GPRC5C: variants seen among roughly 807,000 people sequenced by gnomAD.
GPRC5C encodes the protein G protein-coupled receptor class C group 5 member C.
GPRC5C carries 22 observed loss-of-function variants against 31.4 expected under a neutral mutation model. The observed-to-expected ratio is 0.70, with a 90% CI of 0.50 to 1.00. GPRC5C has a LOEUF of 1.00. Ranked by LOEUF, GPRC5C falls within the 50% of genes least tolerant of loss-of-function variation. The probability of loss-of-function intolerance (pLI) is 0.00; values close to 1 mark genes in which losing one functional copy is unlikely to be tolerated. For missense variants in GPRC5C, 557 were observed against 597.2 expected (o/e 0.93, Z 0.70); for synonymous variants, 249 against 257.5 (o/e 0.97, Z 0.32).
Position 74,440,708 on chromosome 17 carries a change from G to A in GPRC5C, c.932G>A (p.Ser311Asn). 1 of 1,606,090 alleles carries A rather than the reference G, an allele frequency of 6.2e-7. No individual in the cohort carries two copies. The highest frequency in any genetic ancestry group is 1.3e-5 in the African/African-American group (1 of 74,940). ...GTGACCAAGTCCAGCCCAGAGCAAA[G>A]CTACCAGGGGGACATGTACCCCACC... ...SQVTKSSPEQ[S>N]YQGDMYPTRG... Residue 311 changes from serine (S) to asparagine (N), a missense_variant, in exon 2 of 4, where the codon AGC becomes AAC. Coordinates refer to ENST00000392627, the MANE Select transcript of GPRC5C (RefSeq NM_022036.4). The surrounding 1 kb of genome is among the most constrained non-coding windows in gnomAD (Gnocchi z 4.4).
intron 1 of GPRC5C, among the ~76,000 whole-genome samples, chr17:74,434,484 G>A (rs1357861027): frequency 6.6e-6 from 1 of 152,176 alleles, no homozygotes; most frequent in Admixed American, 6.5e-5. Context: ...ACACGGACAT[G>A]ATTTGAACGT....
chr17:74,443,958 A>T, intron 3 of GPRC5C, 46 bp downstream of exon 3: 1 of 1,330,984 alleles, frequency 7.5e-7, no homozygotes, highest in Non-Finnish European at 1.1e-6. Flanking sequence ...GGCTACAGAG[A>T]CCAGCCTCAG....
rs2055364662 is a variant in GPRC5C at position 74,432,371 on chromosome 17, C to A, written c.-33+230C>A. The A allele has an allele frequency of 2.2e-6, 3 of 1,343,314 alleles. No individual in the cohort carries two copies. In the East Asian group the frequency reaches 9.4e-5, roughly 42 times the overall value. The allele number at this position is 1,343,314 out of a possible 1,614,324, so 83.2% of individuals were successfully genotyped here. A position where few individuals can be genotyped will look rare whatever the true frequency, so the allele number is the denominator to read the frequency against. On this transcript the variant is annotated intron_variant, in intron 1 of 3. Coordinates refer to ENST00000392627, the MANE Select transcript of GPRC5C (RefSeq NM_022036.4). ...AGCCTCGGTCCCAGGGAGAGGCAGG[C>A]CCTGCGTCCCGGCCCGGGCCCCGCC... is the stretch of plus-strand genomic sequence containing the variant.
chr17:74,442,818 G>C (rs2144432776), intron 2 of GPRC5C, among the ~76,000 whole-genome samples: 1 of 152,146 alleles, frequency 6.6e-6, no homozygotes. Flanking sequence ...CCTGTCACAC[G>C]CACGGTGTGC....
At chr17:74,448,765 CTG>C, downstream of GPRC5C, 1 of 659,460 alleles carries the variant, frequency 1.5e-6, no homozygotes, top group Non-Finnish European at 2.4e-6. Flanking sequence ...AATCCCAGAA[CTG>C]TACCATTTTG....
chr17:74,433,807 A>G, intron 1 of GPRC5C: 1 of 1,350,776 alleles, frequency 7.4e-7, no homozygotes, highest in African/African-American at 1.4e-5. Flanking sequence ...CTCTCTTTCC[A>G]GTGCGGTATC....
chr17:74,444,070 A>C (rs1039867634), intron 3 of GPRC5C, among the ~76,000 whole-genome samples, 158 bp downstream of exon 3: 4 of 152,200 alleles, frequency 2.6e-5, no homozygotes, highest in African/African-American at 9.7e-5. Flanking sequence ...GGGAATCCAG[A>C]GCCCCAGTTC....
intron 2 of GPRC5C, among the ~76,000 whole-genome samples, chr17:74,441,888 T>G (rs1212608095): frequency 6.6e-6 from 1 of 152,260 alleles, no homozygotes; most frequent in East Asian, 1.9e-4. Flanking sequence ...TGTGCGTGTC[T>G]ATTATTTTAC....
chr17:74,442,340 T>C lies in GPRC5C; in HGVS notation c.1052-1478T>C, dbSNP rs148326636. Reference sequence around the variant, plus strand: ...TAATAAAAGTATTTGGGGTGCCGTGTAGTGGTCTCAGCAGCGCCCTTGTTA... The same window carrying C: ...TAATAAAAGTATTTGGGGTGCCGTGCAGTGGTCTCAGCAGCGCCCTTGTTA... On this transcript the variant is annotated intron_variant, in intron 2 of 3. Coordinates refer to ENST00000392627, the MANE Select transcript of GPRC5C (RefSeq NM_022036.4). 2.0e-5 allele frequency among the ~76,000 whole-genome samples: 3 copies of C among 152,332 alleles called. No individual in the cohort carries two copies. In the East Asian group the frequency reaches 5.8e-4, roughly 29 times the overall value.
rs1229179337 is a variant in GPRC5C, at chr17:74,440,230, C to T, written c.454C>T (p.Arg152Trp). ...NFLARKNHGP[R>W]GWVIFTVALL... ...CCTGGCCCGGAAGAACCACGGGCCCCGGGGCTGGGTGATCTTCACTGTGGC... is the reference window on the plus strand; with the variant it reads ...CCTGGCCCGGAAGAACCACGGGCCCTGGGGCTGGGTGATCTTCACTGTGGC... Residue 152 changes from arginine (R) to tryptophan (W), a missense_variant, in exon 2 of 4, where the codon CGG becomes TGG. Coordinates refer to ENST00000392627, the MANE Select transcript of GPRC5C (RefSeq NM_022036.4). This position sits in a 1 kb window ranked among gnomAD's most constrained non-coding sequence, Gnocchi z 4.4. 1.3e-5 allele frequency: 21 copies of T among 1,614,190 alleles called. No individual in the cohort carries two copies. The highest frequency in any genetic ancestry group is 4.5e-5 in the East Asian group (2 of 44,882).
intron 1 of GPRC5C, among the ~76,000 whole-genome samples, chr17:74,435,923 T>A (rs1436060837): frequency 6.6e-6 from 1 of 152,228 alleles, no homozygotes; most frequent in Non-Finnish European, 1.5e-5. Flanking sequence ...CTTCGATTGT[T>A]TTTTGGAAAG....
Position 74,440,844 on chromosome 17 carries a change from GC to G in GPRC5C, c.1051+22del. 6.9e-7 allele frequency: 1 copy of G among 1,455,362 alleles called. No homozygotes were observed. 90.2% of individuals were successfully genotyped at this position (1,455,362 alleles called of 1,614,324 possible). ...CGGTTGCAGGTGGGTCTCTGTGGAT[GC>G]CCCCAGTGGCCCCTTTCTCCATCCC... is the stretch of plus-strand genomic sequence containing the variant. On this transcript the variant is annotated intron_variant, in intron 2 of 3. Transcript: ENST00000392627. The surrounding 1 kb of genome is among the most constrained non-coding windows in gnomAD (Gnocchi z 4.4).
intron 1 of GPRC5C, 120 bp downstream of exon 1, chr17:74,432,261 G>A: frequency 6.6e-7 from 1 of 1,509,888 alleles, no homozygotes. Context: ...CGGTGATGCA[G>A]GCTCCAGCCC....
chr17:74,446,705 GC>G (rs1388209326), intron 3 of GPRC5C, 143 bp from the exon 4 acceptor site: 1 of 654,706 alleles, frequency 1.5e-6, no homozygotes, highest in East Asian at 2.8e-5. Flanking sequence ...TGCTCCTGGG[GC>G]CCAGCCAGAG....
intron 1 of GPRC5C, among the ~76,000 whole-genome samples, chr17:74,436,500 G>A (rs2055433198): frequency 6.6e-6 from 1 of 152,062 alleles, no homozygotes; most frequent in South Asian, 2.1e-4. Flanking sequence ...TCCGTTGTGT[G>A]GCCCTTAATC....
chr17:74,433,210 G>GT (rs1405244546), intron 1 of GPRC5C, among the ~76,000 whole-genome samples: 2 of 152,102 alleles, frequency 1.3e-5, no homozygotes, highest in African/African-American at 2.4e-5. Context: ...GTAGGGTTTT[G>GT]TGCTCCTGGA....
chr17:74,438,209 A>C (rs1345212736), intron 1 of GPRC5C, among the ~76,000 whole-genome samples: 1 of 9,700 alleles, frequency 1.0e-4, no homozygotes, highest in African/African-American at 2.1e-4. Flanking sequence ...GCTAATTCAT[A>C]TATATATATA....
At chr17:74,441,193 C>A (rs558614991) in intron 2 of GPRC5C, among the ~76,000 whole-genome samples, 2 of 152,112 alleles carry the variant, frequency 1.3e-5, no homozygotes, top group Non-Finnish European at 2.9e-5. Flanking sequence ...GGGAGAATCA[C>A]TTGAACCTGG....
At position 74,446,929 on chromosome 17, in the gene GPRC5C, G is replaced by T. The variant is rs538689643; in HGVS notation, c.1227G>T (p.Arg409=). ...TGGGCAGTGCCAACTCGACCCTGCG[G>T]GCTGAAGACATGTACTCGGCCCAGA... The part of the protein sequence containing the change: ...QVMGSANSTL[R]AEDMYSAQSH... Residue 409 remains arginine, a synonymous_variant, in exon 4 of 4, where the codon CGG becomes CGT. Transcript: ENST00000392627. The T allele has an allele frequency of 2.5e-6, 4 of 1,614,190 alleles. No homozygotes were observed. The African/African-American group carries it at 5.3e-5, about 21-fold the overall frequency.
Sources: gnomAD v4.1 joint callset for allele counts (sites outside exome capture counted in the v4.1 genomes callset) on GRCh38, gnomAD v4.1.1 for gene constraint, Gnocchi (gnomAD v3.1) non-coding constraint, MANE v1.5 for transcripts, NCBI Gene and HGNC (gene_info 2026-07-23, HGNC 2026-07-21) for gene names.